The following LAMA2 variants were observed in gnomAD, a reference collection of about 807,000 sequenced individuals.
LAMA2 encodes laminin subunit alpha-2.
Under a neutral mutation model 364.8 loss-of-function variants are expected in LAMA2, and 269 were observed. That is an observed-to-expected ratio of 0.74 (90% CI 0.67 to 0.82). The LOEUF (loss-of-function observed/expected upper bound fraction) is 0.82. LAMA2 is among the 40% of genes least tolerant of loss of function. The pLI is 0.00. For synonymous variants in LAMA2, 1,379 were observed against 1,370.6 expected (o/e 1.01, Z -0.14); for missense variants, 3,807 against 3,873.2 (o/e 0.98, Z 0.45).
At chr6:128,907,796 T>G (rs1266415883) in intron 1 of LAMA2, among the ~76,000 whole-genome samples, 4 of 152,212 alleles carry the variant, frequency 2.6e-5, no homozygotes, top group Non-Finnish European at 5.9e-5. Flanking sequence ...CTTATTATTT[T>G]GAAATATGTC....
intron 1 of LAMA2, among the ~76,000 whole-genome samples, chr6:128,884,574 C>T (rs927928885): frequency 6.6e-6 from 1 of 152,072 alleles, no homozygotes; most frequent in Non-Finnish European, 1.5e-5. Flanking sequence ...ATAATAATAA[C>T]TCCCTGATTA....
Position 129,353,356 on chromosome 6 carries a change from T to G in LAMA2, c.4716T>G (p.Val1572=). The change falls in exon 32 of 65, where the codon GTT becomes GTG. Residue 1572 remains valine (V), a splice_region_variant and synonymous_variant. Coordinates refer to ENST00000421865, the MANE Select transcript of LAMA2 (RefSeq NM_000426.4). Reference sequence around the variant, plus strand: ...ATGCACGCGAGGGCTGGGAGTGTGTTTGTACGTATACTAACTTTGCTGTTA... The same window carrying G: ...ATGCACGCGAGGGCTGGGAGTGTGTGTGTACGTATACTAACTTTGCTGTTA... The part of the protein sequence containing the change: ...HWHAREGWEC[V]FCGDECTGLL... The G allele has an allele frequency of 6.2e-7, 1 of 1,613,318 alleles. No homozygotes were observed. The highest frequency in any genetic ancestry group is 1.1e-5 in the South Asian group (1 of 91,056).
At chr6:128,893,175 A>T (rs1582615355) in intron 1 of LAMA2, among the ~76,000 whole-genome samples, 1 of 152,028 alleles carries the variant, frequency 6.6e-6, no homozygotes, top group East Asian at 1.9e-4. Context: ...CTGAAATTCA[A>T]TTTTCCATCT....
At chr6:129,178,557 A>G (rs2115017224) in intron 10 of LAMA2, among the ~76,000 whole-genome samples, 1 of 152,324 alleles carries the variant, frequency 6.6e-6, no homozygotes, top group African/African-American at 2.4e-5. Flanking sequence ...GAGTTCTATA[A>G]CATTCTGACC....
At chr6:129,107,063 G>GGTAAGCTTA (rs900471915) in intron 4 of LAMA2, among the ~76,000 whole-genome samples, 3 of 151,936 alleles carry the variant, frequency 2.0e-5, no homozygotes, top group African/African-American at 7.3e-5. Context: ...GGAACAGAAG[G>GGTAAGCTTA]GTAAGCTTCT....
In LAMA2 at chr6:129,320,643, C is replaced by T. The variant is rs766082530; in HGVS notation, c.4164C>T (p.Gly1388=). The part of the protein sequence containing the change: ...EKCDCPLGYS[G]LSCEACLPGF... ...GTGATTGTCCCCTGGGCTATTCTGG[C>T]CTGTCCTGTGAGGTAAGCTACCTCC... Residue 1388 remains glycine, a synonymous_variant, in exon 28 of 65, where the codon GGC becomes GGT. Transcript: ENST00000421865. 1.6e-5 allele frequency: 25 copies of T among 1,605,792 alleles called. No homozygotes were observed. In the Admixed American group the frequency reaches 4.2e-4, roughly 27 times the overall value.
intron 41 of LAMA2, among the ~76,000 whole-genome samples, chr6:129,432,199 CA>C (rs1177126574): frequency 6.6e-6 from 1 of 152,138 alleles, no homozygotes; most frequent in Non-Finnish European, 1.5e-5. Flanking sequence ...CAGTCTTTTC[CA>C]GGTGAAATTG....
chr6:128,996,223 A>G (rs1013806894), intron 1 of LAMA2, among the ~76,000 whole-genome samples: 1 of 152,180 alleles, frequency 6.6e-6, no homozygotes, highest in African/African-American at 2.4e-5. Flanking sequence ...AGAATGAGAA[A>G]GAGTTTGGCA....
At chr6:129,320,465 G>T in intron 27 of LAMA2, 73 bp from the exon 28 acceptor site, 2 of 888,824 alleles carry the variant, frequency 2.3e-6, no homozygotes, top group Non-Finnish European at 3.8e-6. Context: ...GGATATTGCT[G>T]TAGGATTGAT....
At chr6:129,493,111 C>T (rs1174716772) in intron 58 of LAMA2, among the ~76,000 whole-genome samples, 6 of 151,990 alleles carry the variant, frequency 3.9e-5, no homozygotes, top group Admixed American at 6.5e-5. Context: ...GCCGAGATCA[C>T]GCCACTGTAC....
At chr6:128,904,971 C>T (rs997789428) in intron 1 of LAMA2, among the ~76,000 whole-genome samples, 2 of 151,998 alleles carry the variant, frequency 1.3e-5, no homozygotes, top group Admixed American at 6.6e-5. Context: ...TGCTTATGTG[C>T]CAATTTTAAT....
chr6:129,219,134 C>T (rs1038730457), intron 12 of LAMA2, among the ~76,000 whole-genome samples: 1 of 152,030 alleles, frequency 6.6e-6, no homozygotes, highest in Non-Finnish European at 1.5e-5. Context: ...AGTATGTGAT[C>T]CATAGGAGTG....
intron 4 of LAMA2, among the ~76,000 whole-genome samples, chr6:129,123,736 G>T (rs1370700524): frequency 6.6e-6 from 1 of 152,096 alleles, no homozygotes; most frequent in East Asian, 1.9e-4. Flanking sequence ...TGGGTTGGAG[G>T]GGGAAACAGG....
At chr6:129,105,776 A>G (rs1379896458) in intron 4 of LAMA2, among the ~76,000 whole-genome samples, 2 of 152,224 alleles carry the variant, frequency 1.3e-5, no homozygotes, top group Non-Finnish European at 2.9e-5. Flanking sequence ...ATCTGAGAGA[A>G]GAATCACAGT....
chr6:129,050,038 T>TGAGGAACC lies in LAMA2; in HGVS notation c.234_241dup (p.Pro81ArgfsTer47). ...GTAGAACATGTCCCTGGGCAGCCTGTGAGGAACCCGCAGTGTCGAATCTGC... is the reference window on the plus strand; with the variant it reads ...GTAGAACATGTCCCTGGGCAGCCTGTGAGGAACCGAGGAACCCGCAGTGTCGAATCTGC... On this transcript the variant is annotated frameshift_variant, in exon 2 of 65. Transcript: ENST00000421865. LOFTEE classifies it high-confidence loss of function. 6.2e-7 allele frequency: 1 copy of TGAGGAACC among 1,614,152 alleles called. No homozygotes were observed. Among genetic ancestry groups the TGAGGAACC allele is most frequent in the Non-Finnish European group, 8.5e-7 (1 of 1,180,024 alleles).
chr6:129,159,062 C>G, intron 8 of LAMA2: 1 of 1,581,978 alleles, frequency 6.3e-7, no homozygotes, highest in Non-Finnish European at 8.7e-7. Flanking sequence ...TCCTTGAACA[C>G]GAGAAATGAT....
chr6:129,352,546 G>A (rs1776910767), intron 31 of LAMA2, among the ~76,000 whole-genome samples: 2 of 152,146 alleles, frequency 1.3e-5, no homozygotes, highest in Admixed American at 1.3e-4. Context: ...TTGCCTCATT[G>A]GTAAAATTAA....
At chr6:129,081,306 T>A (rs1774041271) in intron 3 of LAMA2, among the ~76,000 whole-genome samples, 1 of 152,068 alleles carries the variant, frequency 6.6e-6, no homozygotes, top group African/African-American at 2.4e-5. Flanking sequence ...GACGAGTTAA[T>A]GGATGCAGCA....
Position 129,443,079 on chromosome 6 carries a change from G to A in LAMA2, c.6274+11G>A. On this transcript the variant is annotated intron_variant, in intron 44 of 64. Coordinates refer to ENST00000421865, the MANE Select transcript of LAMA2 (RefSeq NM_000426.4). ...TGCCTGCAGAAATCAGTACGTATATGTTTACTTATATACCTTTTAGTAACG... is the reference window on the plus strand; with the variant it reads ...TGCCTGCAGAAATCAGTACGTATATATTTACTTATATACCTTTTAGTAACG... The A allele has an allele frequency of 6.3e-7, 1 of 1,588,548 alleles. No individual in the cohort carries two copies. The highest frequency in any genetic ancestry group is 2.3e-5 in the East Asian group (1 of 44,422).
Sources: allele counts gnomAD v4.1 joint callset (sites outside exome capture counted in the v4.1 genomes callset), GRCh38; gene constraint gnomAD v4.1.1; transcripts MANE v1.5; gene names NCBI Gene and HGNC (gene_info 2026-07-23, HGNC 2026-07-21).